ABTB3: variants seen among roughly 807,000 people sequenced by gnomAD.
ABTB3 encodes ankyrin repeat and BTB domain containing 3, also known as ankyrin repeat- and BTB/POZ domain-containing protein 3.
the ABTB3 span, among the ~76,000 whole-genome samples, chr12:107,628,692 C>A: frequency 6.6e-6 from 1 of 152,166 alleles, no homozygotes; most frequent in African/African-American, 2.4e-5. Context: ...TGGGAAATTG[C>A]TGTTTAGGAG....
At chr12:107,536,743 A>G in the ABTB3 span, among the ~76,000 whole-genome samples, 1 of 152,196 alleles carries the variant, frequency 6.6e-6, no homozygotes, top group Non-Finnish European at 1.5e-5. Context: ...ACTGGCAAGG[A>G]CGTAGAGCAA....
chr12:107,414,778 C>T, the ABTB3 span, among the ~76,000 whole-genome samples: 46 of 149,318 alleles, frequency 3.1e-4, no homozygotes, highest in South Asian at 6.8e-3. Context: ...AGTGCAGTGG[C>T]GCAATCTCAG....
chr12:107,451,298 C>T, the ABTB3 span, among the ~76,000 whole-genome samples: 2 of 152,166 alleles, frequency 1.3e-5, no homozygotes, highest in African/African-American at 4.8e-5. Context: ...CCTCATTTCT[C>T]TCTTGGCTAG....
the ABTB3 span, among the ~76,000 whole-genome samples, chr12:107,476,402 C>T: frequency 2.8e-4 from 42 of 152,184 alleles, 1 homozygote; most frequent in African/African-American, 8.2e-4. Flanking sequence ...CTTCACCTTG[C>T]GGTATTAGGA....
At chr12:107,331,215 A>G in the ABTB3 span, among the ~76,000 whole-genome samples, 1 of 151,360 alleles carries the variant, frequency 6.6e-6, no homozygotes, top group African/African-American at 2.4e-5. Flanking sequence ...TCTCTCTCTG[A>G]CTCCTCCCTC....
At chr12:107,654,591 G>A in the ABTB3 span, among the ~76,000 whole-genome samples, 2 of 152,096 alleles carry the variant, frequency 1.3e-5, no homozygotes, top group Non-Finnish European at 2.9e-5. Flanking sequence ...GAGCCACCGC[G>A]CCTGGCCTCA....
the ABTB3 span, among the ~76,000 whole-genome samples, chr12:107,579,217 A>C: frequency 6.6e-6 from 1 of 152,218 alleles, no homozygotes; most frequent in African/African-American, 2.4e-5. Flanking sequence ...CAGCTGCATG[A>C]ACAGGAATCA....
At chr12:107,433,776 G>T in the ABTB3 span, among the ~76,000 whole-genome samples, 19 of 152,192 alleles carry the variant, frequency 1.2e-4, no homozygotes, top group Non-Finnish European at 2.2e-4. Flanking sequence ...GTCTTACTCT[G>T]TTCTGGCCGC....
At chr12:107,395,287 C>T in the ABTB3 span, among the ~76,000 whole-genome samples, 334 of 151,868 alleles carry the variant, frequency 2.2e-3, 1 homozygote, top group African/African-American at 7.7e-3. Flanking sequence ...TTCATTAGTA[C>T]TTCCTCCTGG....
the ABTB3 span, among the ~76,000 whole-genome samples, chr12:107,638,577 C>A: frequency 6.6e-6 from 1 of 152,212 alleles, no homozygotes; most frequent in South Asian, 2.1e-4. Context: ...CCCGGGTCCT[C>A]GGCAGCCTCC....
At chr12:107,645,328 G>C in the ABTB3 span, among the ~76,000 whole-genome samples, 2 of 152,130 alleles carry the variant, frequency 1.3e-5, no homozygotes, top group Non-Finnish European at 2.9e-5. Flanking sequence ...ACCTGTCTCT[G>C]AGAACCACTG....
chr12:107,565,868 C>T, the ABTB3 span, among the ~76,000 whole-genome samples: 2 of 152,208 alleles, frequency 1.3e-5, no homozygotes, highest in East Asian at 1.9e-4. Context: ...CCAGTGTCCA[C>T]GGAGTGAGAG....
chr12:107,356,435 C>T, the ABTB3 span, among the ~76,000 whole-genome samples: 2 of 152,144 alleles, frequency 1.3e-5, no homozygotes, highest in African/African-American at 2.4e-5. Flanking sequence ...GGCCCAGCAC[C>T]GCAGGAGCAG....
the ABTB3 span, among the ~76,000 whole-genome samples, chr12:107,511,006 T>G: frequency 6.6e-6 from 1 of 152,096 alleles, no homozygotes; most frequent in Non-Finnish European, 1.5e-5. Flanking sequence ...AGGCTGTGCA[T>G]CTACCCGAGA....
chr12:107,616,369 AGCAGATTTTT>A, the ABTB3 span, among the ~76,000 whole-genome samples: 1 of 152,218 alleles, frequency 6.6e-6, no homozygotes, highest in Non-Finnish European at 1.5e-5. Context: ...CAGTAAAGAT[AGCAGATTTTT>A]CCCCCATTTT....
At chr12:107,611,140 T>A in the ABTB3 span, among the ~76,000 whole-genome samples, 2 of 152,358 alleles carry the variant, frequency 1.3e-5, no homozygotes, top group East Asian at 3.9e-4. Flanking sequence ...ATATTCTTTT[T>A]AAAACCCCAG....
At chr12:107,336,168 G>C in the ABTB3 span, among the ~76,000 whole-genome samples, 2 of 152,194 alleles carry the variant, frequency 1.3e-5, no homozygotes, top group African/African-American at 4.8e-5. Flanking sequence ...AACCTTCCAT[G>C]CCAAAGTGCT....
At chr12:107,466,897 G>T in the ABTB3 span, among the ~76,000 whole-genome samples, 1 of 152,148 alleles carries the variant, frequency 6.6e-6, no homozygotes, top group South Asian at 2.1e-4. Flanking sequence ...TGGCTGGACA[G>T]TGAGAGAAGT....
the ABTB3 span, among the ~76,000 whole-genome samples, chr12:107,372,771 T>G: frequency 6.6e-6 from 1 of 152,176 alleles, no homozygotes; most frequent in Non-Finnish European, 1.5e-5. Flanking sequence ...TTCCTCCTTT[T>G]CTTACTTTAT....
Sources: gnomAD v4.1 joint callset for allele counts (sites outside exome capture counted in the v4.1 genomes callset) on GRCh38, gnomAD v4.1.1 for gene constraint, MANE v1.5 for transcripts, NCBI Gene and HGNC (gene_info 2026-07-23, HGNC 2026-07-21) for gene names.